NRG3: variants seen among roughly 807,000 people sequenced by gnomAD.
NRG3 encodes pro-neuregulin-3, membrane-bound isoform.
Under a neutral mutation model 66.9 loss-of-function variants are expected in NRG3, and 31 were observed. That is an observed-to-expected ratio of 0.46 (90% confidence interval 0.35 to 0.63). NRG3 has a LOEUF of 0.63. Among genes scored for constraint, NRG3 ranks in the 20% least tolerant of loss-of-function variants. NRG3 has a pLI of 0.00. For synonymous variants in NRG3, 393 were observed against 359.4 expected (o/e 1.09, Z -1.06); for missense variants, 910 against 878.9 (o/e 1.04, Z -0.45).
chr10:82,323,718 T>C (rs2081707807), intron 1 of NRG3, among the ~76,000 whole-genome samples: 1 of 152,070 alleles, frequency 6.6e-6, no homozygotes, highest in African/African-American at 2.4e-5. Context: ...AGTTGCCGAG[T>C]AAAGTCATCT....
chr10:81,876,113 C>T lies in NRG3; in HGVS notation c.773C>T (p.Ser258Phe). ...GCTGCCTCCTCTTCTTCCTCTTCTT[C>T]CTCCTCCGCTACCACCACCACACCA... is the stretch of plus-strand genomic sequence containing the variant. Reference protein sequence around the residue: ...QDAASSSSSSSSSATTTTPET... With the variant: ...QDAASSSSSSFSSATTTTPET... Residue 258 changes from serine (S) to phenylalanine (F), a missense_variant, in exon 1 of 9, where the codon TCC (serine) becomes TTC (phenylalanine). Physicochemically the swap from Ser to Phe is radical, Grantham distance 155. Transcript: ENST00000372141. The T allele has an allele frequency of 6.2e-7, 1 of 1,609,836 alleles. No individual in the cohort carries two copies. Among genetic ancestry groups the T allele is most frequent in the Non-Finnish European group, 8.5e-7 (1 of 1,178,234 alleles).
rs546039691 is a variant in NRG3 at position 82,548,560 on chromosome 10, C to T, written c.953+189692C>T. 2.0e-4 allele frequency among the ~76,000 whole-genome samples: 29 copies of T among 147,942 alleles called. No individual in the cohort carries two copies. In the South Asian group the frequency reaches 3.8e-3, roughly 20 times the overall value. On this transcript the variant is annotated intron_variant, in intron 2 of 8. Coordinates refer to ENST00000372141, the MANE Select transcript of NRG3 (RefSeq NM_001010848.4). Reference sequence around the variant, plus strand: ...ACACACACACACACACACACACACACGCACACGCACAATCCAGCCTTGGAA... The same window carrying T: ...ACACACACACACACACACACACACATGCACACGCACAATCCAGCCTTGGAA...
chr10:81,987,436 C>T (rs928206747), intron 1 of NRG3, among the ~76,000 whole-genome samples: 2 of 152,198 alleles, frequency 1.3e-5, no homozygotes, highest in African/African-American at 2.4e-5. Flanking sequence ...TTTTTTGACA[C>T]GATATCCCAT....
chr10:82,631,902 G>C (rs1565147508), intron 2 of NRG3, among the ~76,000 whole-genome samples: 1 of 152,040 alleles, frequency 6.6e-6, no homozygotes, highest in Non-Finnish European at 1.5e-5. Context: ...AGGAGTTCAA[G>C]ACCAGCCCGG....
chr10:82,787,962 G>A (rs2060437678), intron 3 of NRG3, among the ~76,000 whole-genome samples: 1 of 152,106 alleles, frequency 6.6e-6, no homozygotes, highest in African/African-American at 2.4e-5. Flanking sequence ...TGCCATACAA[G>A]CACAGACTAA....
chr10:82,747,601 A>C (rs1044962626), intron 3 of NRG3, among the ~76,000 whole-genome samples: 1 of 151,640 alleles, frequency 6.6e-6, no homozygotes, highest in Non-Finnish European at 1.5e-5. Flanking sequence ...TCCTTTTTTC[A>C]CTTGTTTATT....
In NRG3 at chr10:82,546,719, A is replaced by T. The variant is rs79921752; in HGVS notation, c.953+187851A>T. Among the ~76,000 whole-genome samples the T allele has an allele frequency of 2.7e-3, 405 of 152,208 alleles. 1 individual carries two copies. Among genetic ancestry groups the T allele is most frequent in the African/African-American group, 9.3e-3 (387 of 41,528 alleles). ...TCATCCATCTTCACTTAACTTTTCCACTCATATATCATGCATGTGTAAATC... is the reference window on the plus strand; with the variant it reads ...TCATCCATCTTCACTTAACTTTTCCTCTCATATATCATGCATGTGTAAATC... On this transcript the variant is annotated intron_variant, in intron 2 of 8. Coordinates refer to ENST00000372141, the MANE Select transcript of NRG3 (RefSeq NM_001010848.4).
At chr10:82,821,436 T>A (rs1380510041) in intron 3 of NRG3, among the ~76,000 whole-genome samples, 2 of 151,970 alleles carry the variant, frequency 1.3e-5, no homozygotes, top group African/African-American at 4.8e-5. Context: ...ATTATGAATC[T>A]TTGTCACTGG....
intron 2 of NRG3, among the ~76,000 whole-genome samples, chr10:82,522,665 A>G (rs983142867): frequency 2.6e-5 from 4 of 152,170 alleles, no homozygotes; most frequent in African/African-American, 9.7e-5. Flanking sequence ...CAATATCTGC[A>G]AAGTGAAGTG....
At chr10:82,657,401 T>A (rs1279238699) in intron 2 of NRG3, among the ~76,000 whole-genome samples, 1 of 152,194 alleles carries the variant, frequency 6.6e-6, no homozygotes, top group Non-Finnish European at 1.5e-5. Flanking sequence ...TGTTTTTACT[T>A]ATTTTTTCTT....
chr10:82,719,281 T>G (rs573215929), intron 2 of NRG3, among the ~76,000 whole-genome samples: 32 of 152,302 alleles, frequency 2.1e-4, no homozygotes, highest in African/African-American at 7.5e-4. Context: ...TTGATAAATT[T>G]AAGACCTCTA....
At chr10:82,426,762 T>A (rs1011512912) in intron 2 of NRG3, among the ~76,000 whole-genome samples, 3 of 151,792 alleles carry the variant, frequency 2.0e-5, no homozygotes, top group African/African-American at 7.3e-5. Context: ...GCCTCCTGAA[T>A]AGCTGGGACT....
rs185125507 is a variant in NRG3, at chr10:81,922,520, G to A, written c.823+46357G>A. ...GTGAACATGCAGTATTTGACTTTTCGTTTCTGAGTTATTTCACTTAAGAGA... is the reference window on the plus strand; with the variant it reads ...GTGAACATGCAGTATTTGACTTTTCATTTCTGAGTTATTTCACTTAAGAGA... On this transcript the variant is annotated intron_variant, in intron 1 of 8. Transcript: ENST00000372141. Among the ~76,000 whole-genome samples, 155 of 152,146 alleles carry A rather than the reference G, an allele frequency of 1.0e-3. 1 individual carries two copies. Among genetic ancestry groups the A allele is most frequent in the African/African-American group, 3.6e-3 (149 of 41,514 alleles).
intron 2 of NRG3, among the ~76,000 whole-genome samples, chr10:82,669,860 G>A (rs2053117819): frequency 6.6e-6 from 1 of 151,418 alleles, no homozygotes; most frequent in Admixed American, 6.6e-5. Context: ...CCCGGGAGGC[G>A]GAGCTTGCAG....
At chr10:82,976,156 AG>A (rs1852230957) in intron 7 of NRG3, among the ~76,000 whole-genome samples, 1 of 152,086 alleles carries the variant, frequency 6.6e-6, no homozygotes, top group Admixed American at 6.6e-5. Context: ...CCTGAGTTCA[AG>A]GGATTCTCTT....
At chr10:82,222,732 C>G (rs966516461) in intron 1 of NRG3, among the ~76,000 whole-genome samples, 4 of 152,208 alleles carry the variant, frequency 2.6e-5, no homozygotes, top group African/African-American at 9.6e-5. Context: ...ATTTTTGTTT[C>G]TTTGTTCTTT....
intron 1 of NRG3, among the ~76,000 whole-genome samples, chr10:81,961,522 T>C (rs1445657442): frequency 6.6e-6 from 1 of 152,194 alleles, no homozygotes; most frequent in Non-Finnish European, 1.5e-5. Context: ...ACTTTGCACT[T>C]CACACATCTC....
intron 1 of NRG3, among the ~76,000 whole-genome samples, chr10:82,302,563 A>T (rs962097756): frequency 6.6e-5 from 10 of 152,292 alleles, no homozygotes; most frequent in African/African-American, 2.4e-4. Flanking sequence ...ATTAATAAAA[A>T]GTTCAATTTC....
Position 82,959,075 on chromosome 10 carries a change from T to C in NRG3, c.1284T>C (p.Asn428=), listed in dbSNP as rs920741310. 1 of 1,596,284 alleles carries C rather than the reference T, an allele frequency of 6.3e-7. No individual in the cohort carries two copies. Among genetic ancestry groups the C allele is most frequent in the East Asian group, 2.3e-5 (1 of 44,344 alleles). ...TGAAGAGCCATGTCCAGCTGCAAAA[T>C]GTAAGTGACATGTCTACACACCTCC... The part of the protein sequence containing the change: ...NLVKSHVQLQ[N]YSKVERHPVT... The change falls in exon 6 of 9, where the codon AAT becomes AAC. Residue 428 remains asparagine (N), a splice_region_variant and synonymous_variant. Transcript: ENST00000372141.
Sources: gnomAD v4.1 joint callset for allele counts (sites outside exome capture counted in the v4.1 genomes callset) on GRCh38, gnomAD v4.1.1 for gene constraint, MANE v1.5 for transcripts, NCBI Gene and HGNC (gene_info 2026-07-23, HGNC 2026-07-21) for gene names.